The following MAP4K3 variants were observed in gnomAD, a reference collection of about 807,000 sequenced individuals.
MAP4K3 encodes the protein MAPK/ERK kinase kinase kinase 3.
MAP4K3 carries 94 observed loss-of-function variants against 143.5 expected under a neutral mutation model. That is an observed-to-expected ratio of 0.65 (90% CI 0.55 to 0.78). The LOEUF is 0.78. Among genes scored for constraint, MAP4K3 ranks in the 30% least tolerant of loss-of-function variants. The pLI, the probability that MAP4K3 is intolerant of heterozygous loss-of-function variation, is 0.00. For synonymous variants in MAP4K3, 416 were observed against 347.2 expected (o/e 1.20, Z -2.20); for missense variants, 1,077 against 1,068.1 (o/e 1.01, Z -0.12).
chr2:39,390,702 G>C (rs1345723432), intron 1 of MAP4K3, among the ~76,000 whole-genome samples: 1 of 151,782 alleles, frequency 6.6e-6, no homozygotes, highest in East Asian at 1.9e-4. Flanking sequence ...ATCAGAAACT[G>C]GAGATCAGAA....
rs994253739 is a variant in MAP4K3, at chr2:39,249,942, A to T, written c.*676T>A. 7 of 152,416 alleles carry T rather than the reference A, an allele frequency of 4.6e-5. No homozygotes were observed. The East Asian group carries it at 1.3e-3, about 29-fold the overall frequency. 9.4% of individuals were successfully genotyped at this position (152,416 alleles called of 1,614,324 possible). A position where few individuals can be genotyped will look rare whatever the true frequency, so the allele number is the denominator to read the frequency against. On this transcript the variant is annotated 3_prime_UTR_variant, in exon 34 of 34. Coordinates refer to ENST00000263881, the MANE Select transcript of MAP4K3 (RefSeq NM_003618.4). Reference sequence around the variant, plus strand: ...TATAATTGGTTTGCTTCACATAGAAAACAATCCAAATACATTTGTGGAGCC... The same window carrying T: ...TATAATTGGTTTGCTTCACATAGAATACAATCCAAATACATTTGTGGAGCC...
At chr2:39,351,664 T>C (rs1665462636) in intron 3 of MAP4K3, among the ~76,000 whole-genome samples, 1 of 152,092 alleles carries the variant, frequency 6.6e-6, no homozygotes, top group African/African-American at 2.4e-5. Context: ...ACTTCAAAGG[T>C]TTATTTATTT....
chr2:39,315,517 ATT>A (rs5830562), intron 12 of MAP4K3, 129 bp from the exon 13 acceptor site: 25,145 of 405,664 alleles, frequency 0.062, 503 homozygotes, highest in African/African-American at 0.12. Context: ...CACTTTGCAA[ATT>A]TTTTTTTTTT....
intron 4 of MAP4K3, among the ~76,000 whole-genome samples, chr2:39,338,254 C>T (rs752884397): frequency 9.9e-5 from 15 of 152,066 alleles, no homozygotes; most frequent in Non-Finnish European, 2.1e-4. Flanking sequence ...TCAAAAGAAA[C>T]GATGTCCAAT....
intron 12 of MAP4K3, among the ~76,000 whole-genome samples, chr2:39,322,740 G>C (rs1353085732): frequency 1.3e-5 from 2 of 151,136 alleles, no homozygotes; most frequent in Admixed American, 6.6e-5. Flanking sequence ...CATGATCTTG[G>C]CTCACTATAA....
chr2:39,369,193 G>GTTTTTTTGTTTTTTTTTT (rs747293878), intron 2 of MAP4K3, among the ~76,000 whole-genome samples: 1 of 37,978 alleles, frequency 2.6e-5, no homozygotes, highest in Non-Finnish European at 7.1e-5. Flanking sequence ...CTTTGGGCTA[G>GTTTTTTTGTTTTTTTTTT]TTTTTTTTTT....
chr2:39,277,434 T>TA, intron 24 of MAP4K3, among the ~76,000 whole-genome samples: 1 of 152,348 alleles, frequency 6.6e-6, no homozygotes, highest in East Asian at 1.9e-4. Context: ...TCATTCCTAA[T>TA]ATGACATCTA....
chr2:39,426,039 AAAGG>A (rs951121571), intron 1 of MAP4K3, among the ~76,000 whole-genome samples: 58 of 152,352 alleles, frequency 3.8e-4, no homozygotes, highest in African/African-American at 1.4e-3. Context: ...ATTAATTAGA[AAAGG>A]AAGAGATAAT....
chr2:39,297,265 G>C (rs1682320143), intron 16 of MAP4K3, among the ~76,000 whole-genome samples: 1 of 151,898 alleles, frequency 6.6e-6, no homozygotes, highest in South Asian at 2.1e-4. Flanking sequence ...CCTCAGGCGT[G>C]TGCCACCATG....
chr2:39,256,474 T>A (rs1680346363), intron 31 of MAP4K3, among the ~76,000 whole-genome samples: 1 of 152,160 alleles, frequency 6.6e-6, no homozygotes. Flanking sequence ...AATGACAGAT[T>A]TTACTGAATG....
At chr2:39,395,670 C>G (rs1245585514) in intron 1 of MAP4K3, among the ~76,000 whole-genome samples, 1 of 152,190 alleles carries the variant, frequency 6.6e-6, no homozygotes, top group South Asian at 2.1e-4. Context: ...CATAACAAAA[C>G]TTTGTTTACT....
At chr2:39,280,139 A>C (rs964793388) in intron 23 of MAP4K3, 133 bp downstream of exon 23, 2 of 523,358 alleles carry the variant, frequency 3.8e-6, no homozygotes, top group Non-Finnish European at 6.7e-6. Context: ...ATTTACCTTA[A>C]AATAAAAAAA....
intron 23 of MAP4K3, 83 bp downstream of exon 23, chr2:39,280,189 G>T: frequency 1.2e-6 from 1 of 815,262 alleles, no homozygotes; most frequent in Non-Finnish European, 1.9e-6. Context: ...AAGATACTCA[G>T]AAAATAAACA....
chr2:39,304,870 A>T (rs1214234172), intron 15 of MAP4K3, among the ~76,000 whole-genome samples: 1 of 152,230 alleles, frequency 6.6e-6, no homozygotes, highest in Non-Finnish European at 1.5e-5. Flanking sequence ...AGTATTATTC[A>T]GCCTTAAAAA....
chr2:39,255,110 T>C (rs1322633888), intron 31 of MAP4K3, among the ~76,000 whole-genome samples: 2 of 152,212 alleles, frequency 1.3e-5, no homozygotes, highest in Non-Finnish European at 2.9e-5. Context: ...TTCTCATGCA[T>C]GTTTTTACTA....
intron 1 of MAP4K3, among the ~76,000 whole-genome samples, chr2:39,415,981 ATATATATAT>A (rs1324957595): frequency 1.5e-4 from 2 of 13,382 alleles, no homozygotes; most frequent in African/African-American, 2.5e-4. Flanking sequence ...AAAAAAAAAA[ATATATATAT>A]ATATATATAT....
At chr2:39,297,102 ATAATT>A (rs1195615602) in intron 16 of MAP4K3, among the ~76,000 whole-genome samples, 2 of 152,050 alleles carry the variant, frequency 1.3e-5, no homozygotes, top group African/African-American at 4.8e-5. Flanking sequence ...CAAAACATAA[ATAATT>A]TAATGTTTTC....
At chr2:39,275,699 C>G (rs2148459151) in intron 24 of MAP4K3, among the ~76,000 whole-genome samples, 1 of 152,156 alleles carries the variant, frequency 6.6e-6, no homozygotes, top group South Asian at 2.1e-4. Flanking sequence ...TTCTTAGGCA[C>G]TTTTCAGCCA....
At chr2:39,358,166 G>A (rs1376480328) in intron 2 of MAP4K3, among the ~76,000 whole-genome samples, 2 of 152,112 alleles carry the variant, frequency 1.3e-5, no homozygotes, top group Admixed American at 6.6e-5. Flanking sequence ...ACTTCAGCTG[G>A]GGTTTCTGTT....
Sources: allele counts gnomAD v4.1 joint callset (sites outside exome capture counted in the v4.1 genomes callset), GRCh38; gene constraint gnomAD v4.1.1; transcripts MANE v1.5; gene names NCBI Gene and HGNC (gene_info 2026-07-23, HGNC 2026-07-21).